Variants in CDK14 observed in about 807,000 individuals in gnomAD.
CDK14 encodes the protein cyclin dependent kinase 14, also known as cyclin-dependent kinase 14.
CDK14 carries 34 observed loss-of-function variants against 60.7 expected under a neutral mutation model. That is an observed-to-expected ratio of 0.56 (90% CI 0.43 to 0.75). The LOEUF is 0.75. Among genes scored for constraint, CDK14 ranks in the 30% least tolerant of loss-of-function variants. The pLI, the probability that CDK14 is intolerant of heterozygous loss-of-function variation, is 0.00. For missense variants in CDK14, 482 were observed against 564.1 expected, an observed-to-expected ratio of 0.85 and a Z score of 1.47; for synonymous variants, 197 against 203.7, an observed-to-expected ratio of 0.97 and a Z score of 0.28.
chr7:90,860,489 A>G (rs914199234), intron 5 of CDK14, among the ~76,000 whole-genome samples: 34 of 150,642 alleles, frequency 2.3e-4, no homozygotes, highest in African/African-American at 7.8e-4. Flanking sequence ...CAGTGTTGCA[A>G]AGAATCTGAT....
chr7:90,882,637 T>G (rs1055682447), intron 6 of CDK14, among the ~76,000 whole-genome samples: 1 of 152,224 alleles, frequency 6.6e-6, no homozygotes, highest in Non-Finnish European at 1.5e-5. Flanking sequence ...ATCAACAGAA[T>G]GTACATTCTT....
At chr7:91,112,798 A>G in intron 13 of CDK14, 117 bp downstream of exon 13, 1 of 1,057,474 alleles carries the variant, frequency 9.5e-7, no homozygotes, top group Non-Finnish European at 1.4e-6. Context: ...ACATAAGATA[A>G]TGTATGTTTG....
intron 6 of CDK14, among the ~76,000 whole-genome samples, chr7:90,865,600 T>A (rs1791151975): frequency 6.6e-6 from 1 of 152,110 alleles, no homozygotes; most frequent in African/African-American, 2.4e-5. Context: ...CAGATATTAG[T>A]GAGCGGCATA....
At chr7:90,793,111 TAGTG>T (rs34345357) in intron 5 of CDK14, among the ~76,000 whole-genome samples, 31,066 of 152,040 alleles carry the variant, frequency 0.2, 3,282 homozygotes, top group South Asian at 0.24. Flanking sequence ...TATATAATCT[TAGTG>T]AGGTCAGAGA....
intron 10 of CDK14, among the ~76,000 whole-genome samples, chr7:91,029,949 C>A (rs1796712772): frequency 6.6e-6 from 1 of 152,134 alleles, no homozygotes; most frequent in South Asian, 2.1e-4. Context: ...CCAGGGCAGT[C>A]TGTTCTTAAC....
intron 2 of CDK14, among the ~76,000 whole-genome samples, chr7:90,649,036 T>A (rs754502343): frequency 5.3e-5 from 8 of 152,252 alleles, no homozygotes; most frequent in Non-Finnish European, 8.8e-5. Context: ...AACTTCAACC[T>A]CTCCATTTTA....
intron 2 of CDK14, among the ~76,000 whole-genome samples, chr7:90,621,651 T>G (rs866198912): frequency 1.4e-5 from 2 of 139,658 alleles, no homozygotes; most frequent in African/African-American, 5.3e-5. Context: ...CTTCCTTCCT[T>G]CCTTCCTTCC....
At chr7:91,084,435 CA>C (rs1446742729) in intron 12 of CDK14, among the ~76,000 whole-genome samples, 3 of 152,166 alleles carry the variant, frequency 2.0e-5, no homozygotes, top group African/African-American at 7.2e-5. Flanking sequence ...GGTAATGCAC[CA>C]TGGGAAAAAG....
intron 10 of CDK14, among the ~76,000 whole-genome samples, chr7:91,045,228 C>G (rs926437854): frequency 6.6e-6 from 1 of 152,082 alleles, no homozygotes; most frequent in Non-Finnish European, 1.5e-5. Context: ...TGGAATGTGC[C>G]CAGTTACATG....
chr7:90,667,353 A>G (rs1189603087), intron 2 of CDK14, among the ~76,000 whole-genome samples: 3 of 152,310 alleles, frequency 2.0e-5, no homozygotes, highest in Non-Finnish European at 4.4e-5. Context: ...TAGTGTATTC[A>G]CAAAGTTGTA....
At chr7:91,028,302 C>T (rs1796662040) in intron 10 of CDK14, among the ~76,000 whole-genome samples, 1 of 151,968 alleles carries the variant, frequency 6.6e-6, no homozygotes, top group Non-Finnish European at 1.5e-5. Context: ...ACACACCCCC[C>T]ACATTTTCTT....
In CDK14 at chr7:90,603,975, A is replaced by G. The variant is rs377091546; in HGVS notation, c.92-243A>G. ...GGAACAGTTATGTGTGCTTCTTTCTAATATCTGGGAGGATAGTTCTATTTG... is the reference window on the plus strand; with the variant it reads ...GGAACAGTTATGTGTGCTTCTTTCTGATATCTGGGAGGATAGTTCTATTTG... On this transcript the variant is annotated intron_variant, in intron 1 of 14. Coordinates refer to ENST00000380050, the MANE Select transcript of CDK14 (RefSeq NM_001287135.2). Among the ~76,000 whole-genome samples the G allele has an allele frequency of 1.1e-3, 161 of 152,364 alleles. 2 individuals carry two copies. Among genetic ancestry groups the G allele is most frequent in the African/African-American group, 3.7e-3 (152 of 41,596 alleles).
intron 2 of CDK14, among the ~76,000 whole-genome samples, chr7:90,635,624 T>C (rs1323074719): frequency 3.3e-5 from 5 of 152,160 alleles, no homozygotes; most frequent in Non-Finnish European, 7.3e-5. Context: ...CGGGCTCTTT[T>C]TTGGTTCCAT....
intron 5 of CDK14, among the ~76,000 whole-genome samples, chr7:90,844,253 T>C (rs1213713072): frequency 6.6e-6 from 1 of 152,238 alleles, no homozygotes; most frequent in African/African-American, 2.4e-5. Context: ...AGGTAAATTC[T>C]AATCTGCTTT....
chr7:91,151,867 A>G (rs912938203), intron 14 of CDK14, among the ~76,000 whole-genome samples: 1 of 152,192 alleles, frequency 6.6e-6, no homozygotes, highest in Non-Finnish European at 1.5e-5. Flanking sequence ...GTTATAGCCC[A>G]TCAAGCCCAA....
At chr7:90,638,039 G>C (rs1800201973) in intron 2 of CDK14, among the ~76,000 whole-genome samples, 1 of 149,132 alleles carries the variant, frequency 6.7e-6, no homozygotes, top group Non-Finnish European at 1.5e-5. Flanking sequence ...AACGTGAGAT[G>C]GGTTTCCTGA....
intron 6 of CDK14, among the ~76,000 whole-genome samples, chr7:90,887,690 A>G (rs1274970333): frequency 6.6e-6 from 1 of 152,218 alleles, no homozygotes; most frequent in Non-Finnish European, 1.5e-5. Context: ...TTTGCATTGT[A>G]AAATCTTAAT....
chr7:90,821,924 C>A (rs781377835), intron 5 of CDK14, among the ~76,000 whole-genome samples: 2 of 152,166 alleles, frequency 1.3e-5, no homozygotes, highest in African/African-American at 2.4e-5. Flanking sequence ...CCATGCTGTA[C>A]CTTCGTTCAG....
intron 2 of CDK14, among the ~76,000 whole-genome samples, chr7:90,615,513 A>T (rs1799632884): frequency 1.3e-5 from 2 of 152,160 alleles, no homozygotes; most frequent in Non-Finnish European, 2.9e-5. Context: ...TGAAATATTG[A>T]AGTGTGTGAA....
Sources: gnomAD v4.1 joint callset for allele counts (sites outside exome capture counted in the v4.1 genomes callset) on GRCh38, gnomAD v4.1.1 for gene constraint, MANE v1.5 for transcripts, NCBI Gene and HGNC (gene_info 2026-07-23, HGNC 2026-07-21) for gene names.